Variants in CLCNKB observed in about 807,000 individuals in gnomAD.
CLCNKB encodes the protein chloride voltage-gated channel Kb, also known as chloride channel protein ClC-Kb.
Under a neutral mutation model 83.8 loss-of-function variants are expected in CLCNKB, and 74 were observed. The ratio of observed to expected loss-of-function variants is 0.88; its 90% CI spans 0.73 to 1.07. CLCNKB has a LOEUF of 1.07. CLCNKB is among the 50% of genes least tolerant of loss of function. The pLI is 0.00. For missense variants in CLCNKB, 798 were observed against 893.6 expected, an observed-to-expected ratio of 0.89 and a Z score of 1.36; for synonymous variants, 358 against 356.6, an observed-to-expected ratio of 1.00 and a Z score of -0.04.
chr1:16,049,771 G>A, intron 9 of CLCNKB, 44 bp from the exon 10 acceptor site: 9 of 1,613,474 alleles, frequency 5.6e-6, no homozygotes, highest in Non-Finnish European at 6.8e-6. Flanking sequence ...TGCGGCCCCT[G>A]GTACTGGGGT....
At chr1:16,056,721 C>A (rs572549658) in intron 19 of CLCNKB, 148 bp from the exon 20 acceptor site, 7 of 914,114 alleles carry the variant, frequency 7.7e-6, no homozygotes, top group Non-Finnish European at 1.2e-5. Context: ...CTGCCCCTCT[C>A]GGCCTCAGTG....
In CLCNKB at chr1:16,044,605, T is replaced by C. The variant is rs764908276; in HGVS notation, c.100+13T>C. ...CGAGGCATCCGAGGTGAGAGCCAGG[T>C]CCTCTTCCCTTCCCCCTGGAGGACC... is the stretch of plus-strand genomic sequence containing the variant. On this transcript the variant is annotated intron_variant, in intron 2 of 19. Transcript: ENST00000375679. 2 of 1,582,016 alleles carry C rather than the reference T, an allele frequency of 1.3e-6. No individual in the cohort carries two copies. Among genetic ancestry groups the C allele is most frequent in the Non-Finnish European group, 1.7e-6 (2 of 1,162,608 alleles).
At chr1:16,056,071 C>T (rs1226917100) in intron 18 of CLCNKB, among the ~76,000 whole-genome samples, 1 of 152,182 alleles carries the variant, frequency 6.6e-6, no homozygotes, top group Non-Finnish European at 1.5e-5. Context: ...TCAGGTCCAC[C>T]GCATTCTCCC....
chr1:16,052,339 C>T lies in CLCNKB; in HGVS notation c.1550C>T (p.Pro517Leu), dbSNP rs1338693901. The T allele has an allele frequency of 6.2e-7, 1 of 1,613,190 alleles. No individual in the cohort carries two copies. Among genetic ancestry groups the T allele is most frequent in the South Asian group, 1.1e-5 (1 of 91,080 alleles). ...AANAIAQSCQ[P>L]SFYDGTVIVK... ...AACGCCATTGCACAGAGCTGCCAGC[C>T]CTCCTTCTATGATGGCACCGTCATT... is the stretch of plus-strand genomic sequence containing the variant. The change falls in exon 15 of 20, where the codon CCC becomes CTC. Residue 517 changes from proline (P) to leucine (L), a missense_variant. Physicochemically the swap from Pro to Leu is moderately conservative, Grantham distance 98 (BLOSUM62 -3). Coordinates refer to ENST00000375679, the MANE Select transcript of CLCNKB (RefSeq NM_000085.5).
chr1:16,049,764 G>T (rs542496771), intron 9 of CLCNKB, 51 bp from the exon 10 acceptor site: 12 of 1,612,898 alleles, frequency 7.4e-6, no homozygotes, highest in African/African-American at 1.3e-5. Flanking sequence ...CCTGGACTGC[G>T]GCCCCTGGTA....
At chr1:16,048,280 A>T (rs1483679845) in intron 5 of CLCNKB, 63 bp from the exon 6 acceptor site, 1 of 1,594,616 alleles carries the variant, frequency 6.3e-7, no homozygotes, top group Non-Finnish European at 8.6e-7. Flanking sequence ...AGCCGTGCTG[A>T]CTCTGGGTGA....
chr1:16,046,695 T>C (rs906487651), intron 4 of CLCNKB, 32 bp downstream of exon 4: 1 of 1,538,102 alleles, frequency 6.5e-7, no homozygotes, highest in East Asian at 2.5e-5. Flanking sequence ...CAGTCCCCAC[T>C]GGCCAAAACC....
At position 16,051,165 on chromosome 1, in the gene CLCNKB, G is replaced by A. The variant is rs1009148251; in HGVS notation, c.1227+117G>A. 128 of 1,485,910 alleles carry A rather than the reference G, an allele frequency of 8.6e-5. 1 individual carries two copies. Among genetic ancestry groups the A allele is most frequent in the Non-Finnish European group, 1.0e-4 (112 of 1,081,638 alleles). 92.0% of individuals were successfully genotyped at this position (1,485,910 alleles called of 1,614,324 possible). ...AGGCCTTCCACCCACATTTCCTGAT[G>A]TGCCCCCTGCCCATTGCATGGTCCT... On this transcript the variant is annotated intron_variant, in intron 12 of 19. Coordinates refer to ENST00000375679, the MANE Select transcript of CLCNKB (RefSeq NM_000085.5).
At position 16,049,791 on chromosome 1, in the gene CLCNKB, G is replaced by T. The variant is rs576278266; in HGVS notation, c.867-24G>T. On this transcript the variant is annotated intron_variant, in intron 9 of 19. Coordinates refer to ENST00000375679, the MANE Select transcript of CLCNKB (RefSeq NM_000085.5). ...CCCCTGGTACTGGGGTCGGGCTCTG[G>T]GCTCATGTCTCCATGCTCCCCAGGG... 21 of 1,613,798 alleles carry T rather than the reference G, an allele frequency of 1.3e-5. No homozygotes were observed. In the Admixed American group the frequency reaches 1.3e-4, roughly 10 times the overall value.
At position 16,055,540 on chromosome 1, in the gene CLCNKB, G is replaced by C; in HGVS notation, c.1845+17G>C. The stretch of plus-strand genomic sequence containing the variant: ...GGACACCAGGTGGGTACTCCTGAGG[G>C]GCATGGGGATGGGGCGGGGGTGGGT... On this transcript the variant is annotated intron_variant, in intron 17 of 19. Coordinates refer to ENST00000375679, the MANE Select transcript of CLCNKB (RefSeq NM_000085.5). 6.3e-7 allele frequency: 1 copy of C among 1,589,580 alleles called. No individual in the cohort carries two copies. Among genetic ancestry groups the C allele is most frequent in the Non-Finnish European group, 8.6e-7 (1 of 1,160,322 alleles).
At position 16,045,414 on chromosome 1, in the gene CLCNKB, C is replaced by G. The variant is rs1045288901; in HGVS notation, c.101-144C>G. The stretch of plus-strand genomic sequence containing the variant: ...GCCCGGCCACTTATGTGAGGCAGGG[C>G]CCCCTCGGGACTACCCCAGAGTATA... On this transcript the variant is annotated intron_variant, in intron 2 of 19. Coordinates refer to ENST00000375679, the MANE Select transcript of CLCNKB (RefSeq NM_000085.5). 19 of 932,434 alleles carry G rather than the reference C, an allele frequency of 2.0e-5. No homozygotes were observed. In the African/African-American group the frequency reaches 3.1e-4, roughly 15 times the overall value. The allele number at this position is 932,434 out of a possible 1,614,324, so 57.8% of individuals were successfully genotyped here. A position where few individuals can be genotyped will look rare whatever the true frequency, so the allele number is the denominator to read the frequency against.
chr1:16,049,063 C>G (rs2023196663), intron 7 of CLCNKB, 57 bp from the exon 8 acceptor site: 1 of 1,612,372 alleles, frequency 6.2e-7, no homozygotes, highest in Non-Finnish European at 8.5e-7. Context: ...GGAGGGGGTC[C>G]TACAGTCACA....
At chr1:16,045,787 GTGCTCT>G in intron 3 of CLCNKB, 101 bp downstream of exon 3, 1 of 938,488 alleles carries the variant, frequency 1.1e-6, no homozygotes, top group Non-Finnish European at 1.6e-6. Flanking sequence ...GTTGGGGGGG[GTGCTCT>G]GGGTGGGGAT....
Position 16,050,577 on chromosome 1 carries a change from G to T in CLCNKB, c.1030G>T (p.Ala344Ser). The change falls in exon 11 of 20, where the codon GCC becomes TCC. Residue 344 changes from alanine to serine, a missense_variant. By Grantham distance (99) the Ala-to-Ser change is moderately conservative. Coordinates refer to ENST00000375679, the MANE Select transcript of CLCNKB (RefSeq NM_000085.5). ...CGCCTCCATCACCTACCCACCCAGC[G>T]CCGGCCGCTTCCTAGCTTCTCGGGT... ...VLASITYPPS[A>S]GRFLASRLSM... 3 of 1,614,052 alleles carry T rather than the reference G, an allele frequency of 1.9e-6. No individual in the cohort carries two copies. Among genetic ancestry groups the T allele is most frequent in the Non-Finnish European group, 2.5e-6 (3 of 1,180,000 alleles).
intron 18 of CLCNKB, 41 bp from the exon 19 acceptor site, chr1:16,056,381 C>G: frequency 3.8e-6 from 6 of 1,597,294 alleles, no homozygotes; most frequent in Middle Eastern, 1.7e-4. Flanking sequence ...GTGGGCTGGG[C>G]ACCTTCTACC....
Position 16,055,522 on chromosome 1 carries a change from A to C in CLCNKB, c.1844A>C (p.Gln615Pro). The C allele has an allele frequency of 1.0e-6, 1 of 968,448 alleles. No homozygotes were observed. Among genetic ancestry groups the C allele is most frequent in the Non-Finnish European group, 1.5e-6 (1 of 653,764 alleles). The allele number at this position is 968,448 out of a possible 1,614,324, so 60.0% of individuals were successfully genotyped here. A position where few individuals can be genotyped will look rare whatever the true frequency, so the allele number is the denominator to read the frequency against. ...CCTCCTTCCTGGGCTCCTGGACACC[A>C]GGTGGGTACTCCTGAGGGGCATGGG... ...AEPPSWAPGH[Q>P]QCLQDILAAG... The change falls in exon 17 of 20, where the codon CAG (glutamine) becomes CCG (proline). Residue 615 changes from glutamine to proline, a missense_variant and splice_region_variant. Coordinates refer to ENST00000375679, the MANE Select transcript of CLCNKB (RefSeq NM_000085.5).
In CLCNKB at chr1:16,044,416, G is replaced by C. The variant is rs529086393; in HGVS notation, c.-7-70G>C. 1.5e-5 allele frequency: 19 copies of C among 1,260,526 alleles called. No individual in the cohort carries two copies. The African/African-American group carries it at 2.8e-4, about 19-fold the overall frequency. 78.1% of individuals were successfully genotyped at this position (1,260,526 alleles called of 1,614,324 possible). ...CTCTTCATGGGTGGGGAGAGCACTG[G>C]AAGGGCCTAGAGGCAGTGCGAGGAC... On this transcript the variant is annotated intron_variant, in intron 1 of 19. Transcript: ENST00000375679.
At chr1:16,054,949 G>A (rs1424593742) in intron 16 of CLCNKB, among the ~76,000 whole-genome samples, 2 of 152,162 alleles carry the variant, frequency 1.3e-5, no homozygotes, top group African/African-American at 4.8e-5. Flanking sequence ...CTAAATATCC[G>A]ACAATGCCAT....
In CLCNKB at chr1:16,051,810, T is replaced by G; in HGVS notation, c.1398T>G (p.Tyr466Ter). 6.2e-7 allele frequency: 1 copy of G among 1,611,976 alleles called. No homozygotes were observed. Among genetic ancestry groups the G allele is most frequent in the East Asian group, 2.2e-5 (1 of 44,860 alleles). The change falls in exon 14 of 20, where the codon TAT becomes TAG. Residue 466 changes from tyrosine (Y) to a stop codon, truncating the protein, a stop_gained. Coordinates refer to ENST00000375679, the MANE Select transcript of CLCNKB (RefSeq NM_000085.5). LOFTEE classifies it high-confidence loss of function. ...CCAATCCCATCATGCCAGGGGGGTA[T>G]GCTCTGGCAGGTGAGTGGGTCAGGG... is the stretch of plus-strand genomic sequence containing the variant. ...GITNPIMPGG[Y>*]ALAGAAAFSG...
Sources: allele counts gnomAD v4.1 joint callset (sites outside exome capture counted in the v4.1 genomes callset), GRCh38; gene constraint gnomAD v4.1.1; transcripts MANE v1.5; gene names NCBI Gene and HGNC (gene_info 2026-07-23, HGNC 2026-07-21).